CDK15: variants seen among roughly 807,000 people sequenced by gnomAD.
CDK15 encodes cyclin dependent kinase 15, also known as cyclin-dependent kinase 15.
In CDK15, 62 loss-of-function variants were observed where a neutral mutation model predicts 60.3. The observed-to-expected ratio is 1.03, with a 90% confidence interval of 0.84 to 1.27. The LOEUF (loss-of-function observed/expected upper bound fraction) is 1.27, where lower values mean the gene tolerates loss of function less well. Among genes scored for constraint, CDK15 ranks in the 50% most tolerant of loss-of-function variants. The pLI, the probability that CDK15 is intolerant of heterozygous loss-of-function variation, is 0.00. For synonymous variants in CDK15, 194 were observed against 195.7 expected (o/e 0.99, Z 0.07); for missense variants, 541 against 527.8 (o/e 1.03, Z -0.25).
chr2:201,884,231 G>A (rs1699378483), intron 12 of CDK15, among the ~76,000 whole-genome samples: 1 of 152,058 alleles, frequency 6.6e-6, no homozygotes, highest in Non-Finnish European at 1.5e-5. Flanking sequence ...TTGCTTGCTA[G>A]CCAAGTCTCA....
rs1036356620 is a variant in CDK15, at chr2:201,888,763, G to C, written c.1199-2022G>C. 3.4e-6 allele frequency: 4 copies of C among 1,187,496 alleles called. No individual in the cohort carries two copies. In the Admixed American group the frequency reaches 1.7e-4, roughly 50 times the overall value. The allele number at this position is 1,187,496 out of a possible 1,614,324, so 73.6% of individuals were successfully genotyped here. On this transcript the variant is annotated intron_variant, in intron 12 of 13. Transcript: ENST00000652192. ...CTGCTTTTGAGGAGCTGCTGCTTTT[G>C]AGGGGCAAGGAAGCCGGAGGGAAAT...
chr2:201,877,083 G>T (rs1465789180), intron 11 of CDK15, among the ~76,000 whole-genome samples: 3 of 152,160 alleles, frequency 2.0e-5, no homozygotes, highest in Non-Finnish European at 4.4e-5. Flanking sequence ...CAGACATGAG[G>T]CACAGCTCTG....
rs748284126 is a variant in CDK15 at position 201,807,972 on chromosome 2, G to A, written c.368+20G>A. 1.2e-6 allele frequency: 2 copies of A among 1,601,712 alleles called. No homozygotes were observed. The highest frequency in any genetic ancestry group is 1.7e-6 in the Non-Finnish European group (2 of 1,171,830). ...TAGCAGGTGAGTGACACATAGCTGGGAGAGACTTTAGAGATGAGAGTCCCG... is the reference window on the plus strand; with the variant it reads ...TAGCAGGTGAGTGACACATAGCTGGAAGAGACTTTAGAGATGAGAGTCCCG... On this transcript the variant is annotated intron_variant, in intron 3 of 13. Coordinates refer to ENST00000652192, the MANE Select transcript of CDK15 (RefSeq NM_001366386.2).
chr2:201,857,565 G>C (rs919387780), intron 10 of CDK15, among the ~76,000 whole-genome samples: 9 of 152,112 alleles, frequency 5.9e-5, no homozygotes, highest in Non-Finnish European at 1.3e-4. Context: ...CTTTGTTACT[G>C]GGGTGCTCAT....
chr2:201,883,975 C>A (rs527768032), intron 12 of CDK15, among the ~76,000 whole-genome samples: 3 of 152,326 alleles, frequency 2.0e-5, no homozygotes, highest in Admixed American at 1.3e-4. Context: ...CATTAAGCTG[C>A]CCCTTCTTAA....
At chr2:201,883,155 G>A (rs1458809381) in intron 12 of CDK15, among the ~76,000 whole-genome samples, 1 of 152,084 alleles carries the variant, frequency 6.6e-6, no homozygotes. Context: ...ATTATTTAGG[G>A]GCTTATATTT....
chr2:201,885,086 T>C (rs1177559961), intron 12 of CDK15, among the ~76,000 whole-genome samples: 2 of 152,216 alleles, frequency 1.3e-5, no homozygotes, highest in Non-Finnish European at 2.9e-5. Flanking sequence ...TTCCTCTCAA[T>C]ACCATCTAAG....
chr2:201,850,698 T>G (rs547753429), intron 9 of CDK15, among the ~76,000 whole-genome samples: 1 of 152,312 alleles, frequency 6.6e-6, no homozygotes, highest in South Asian at 2.1e-4. Flanking sequence ...ATTTTTAATA[T>G]TTTGAGGAAC....
intron 4 of CDK15, among the ~76,000 whole-genome samples, chr2:201,813,832 G>C (rs988049467): frequency 2.8e-4 from 43 of 152,214 alleles, no homozygotes; most frequent in African/African-American, 1.0e-3. Flanking sequence ...GAATTTAATT[G>C]GAAGGGCCAA....
chr2:201,849,855 T>A (rs527414714), intron 9 of CDK15, among the ~76,000 whole-genome samples: 1 of 152,242 alleles, frequency 6.6e-6, no homozygotes, highest in South Asian at 2.1e-4. Context: ...GAAGGAGTCT[T>A]GCTCTGTCAC....
At chr2:201,848,848 C>T (rs1697783710) in intron 9 of CDK15, among the ~76,000 whole-genome samples, 1 of 151,820 alleles carries the variant, frequency 6.6e-6, no homozygotes. Context: ...AGATTAATTA[C>T]TGACATTAAA....
rs995840099 is a variant in CDK15, at chr2:201,816,462, T to G, written c.448+3900T>G. Among the ~76,000 whole-genome samples the G allele has an allele frequency of 2.2e-3, 319 of 146,688 alleles. 1 individual carries two copies. Among genetic ancestry groups the G allele is most frequent in the Non-Finnish European group, 3.6e-3 (240 of 66,678 alleles). On this transcript the variant is annotated intron_variant, in intron 4 of 13. Transcript: ENST00000652192. The stretch of plus-strand genomic sequence containing the variant: ...GTTGCTGCTAAGGAAATGGTTTTTT[T>G]TTTTTTTTTTTTTTTTTGTGGCTGC...
chr2:201,834,607 C>T (rs142095265), intron 7 of CDK15, among the ~76,000 whole-genome samples: 4 of 152,202 alleles, frequency 2.6e-5, no homozygotes, highest in East Asian at 3.9e-4. Flanking sequence ...TATAGATTTG[C>T]GTGATGATTT....
At chr2:201,807,997 GC>G (rs545008145) in intron 3 of CDK15, 45 bp downstream of exon 3, 6 of 1,507,796 alleles carry the variant, frequency 4.0e-6, no homozygotes, top group African/African-American at 1.4e-5. Context: ...TGAGAGTCCC[GC>G]CCCCCCAATT....
chr2:201,864,165 T>C (rs1053468818), intron 10 of CDK15, among the ~76,000 whole-genome samples: 3 of 152,034 alleles, frequency 2.0e-5, no homozygotes, highest in Non-Finnish European at 4.4e-5. Context: ...TAATACAATG[T>C]GGGAAGTATA....
intron 9 of CDK15, among the ~76,000 whole-genome samples, chr2:201,854,242 A>T (rs1414430145): frequency 6.6e-6 from 1 of 152,192 alleles, no homozygotes; most frequent in African/African-American, 2.4e-5. Flanking sequence ...TTCCCATGAC[A>T]ATCCATCAGT....
chr2:201,860,015 C>T (rs1698319640), intron 10 of CDK15, among the ~76,000 whole-genome samples: 1 of 152,166 alleles, frequency 6.6e-6, no homozygotes, highest in Non-Finnish European at 1.5e-5. Context: ...AACTTTTTTT[C>T]TTGCCTACAT....
At chr2:201,858,598 T>A (rs1698247730) in intron 10 of CDK15, among the ~76,000 whole-genome samples, 1 of 152,154 alleles carries the variant, frequency 6.6e-6, no homozygotes, top group South Asian at 2.1e-4. Flanking sequence ...ATCTTTTCTC[T>A]TGGGATAGCT....
chr2:201,868,118 T>A (rs1215884922), intron 10 of CDK15, among the ~76,000 whole-genome samples: 2 of 152,136 alleles, frequency 1.3e-5, no homozygotes, highest in African/African-American at 4.8e-5. Context: ...CAAGTTAGAA[T>A]TTTAGTAGAA....
Sources: gnomAD v4.1 joint callset for allele counts (sites outside exome capture counted in the v4.1 genomes callset) on GRCh38, gnomAD v4.1.1 for gene constraint, MANE v1.5 for transcripts, NCBI Gene and HGNC (gene_info 2026-07-23, HGNC 2026-07-21) for gene names.